INF2: variants seen among roughly 807,000 people sequenced by gnomAD.
The protein encoded by INF2 is inverted formin 2.
A neutral mutation model predicts 123.5 loss-of-function variants in INF2; 43 were observed. The observed-to-expected ratio is 0.35, with a 90% CI of 0.27 to 0.45. The LOEUF is 0.45. INF2 is among the 20% of genes least tolerant of loss of function. The pLI is 1.00. For missense variants in INF2, 1,453 were observed against 1,682.7 expected (o/e 0.86, Z 2.39); for synonymous variants, 851 against 745.0 (o/e 1.14, Z -2.32).
chr14:104,699,285 A>T lies in INF2; in HGVS notation c.-9-2072A>T. On this transcript the variant is annotated intron_variant, in intron 1 of 22. Transcript: ENST00000392634. This position sits in a 1 kb window ranked among gnomAD's most constrained non-coding sequence, Gnocchi z 4.7. ...TAACTCCGTCCACTCAGCCTGTGCC[A>T]AGGGGACAGGGACTCCGGCCAATGG... 1 of 528,268 alleles carries T rather than the reference A, an allele frequency of 1.9e-6. No individual in the cohort carries two copies. Among genetic ancestry groups the T allele is most frequent in the Non-Finnish European group, 2.4e-6 (1 of 413,068 alleles). The allele number at this position is 528,268 out of a possible 1,614,324, so 32.7% of individuals were successfully genotyped here. A position where few individuals can be genotyped will look rare whatever the true frequency, so the allele number is the denominator to read the frequency against.
At chr14:104,689,457 T>A, upstream of INF2, 1 of 404,088 alleles carries the variant, frequency 2.5e-6, no homozygotes, top group Non-Finnish European at 3.3e-6. Context: ...GGAGACCCCT[T>A]AAAGCGCCCT....
At chr14:104,702,851 C>A (rs1283603569) in intron 2 of INF2, among the ~76,000 whole-genome samples, 2 of 152,238 alleles carry the variant, frequency 1.3e-5, no homozygotes, top group Non-Finnish European at 1.5e-5. Flanking sequence ...GGGCCCAGAG[C>A]CAGTGACAGG....
chr14:104,697,377 CAT>C (rs1889240096), intron 1 of INF2, among the ~76,000 whole-genome samples: 1 of 152,210 alleles, frequency 6.6e-6, no homozygotes, highest in African/African-American at 2.4e-5. Flanking sequence ...CGCTCAGAAC[CAT>C]GGGCCCATGC....
Position 104,707,566 on chromosome 14 carries a change from C to T in INF2, c.1299C>T (p.Ser433=), listed in dbSNP as rs1431857911. The change falls in exon 8 of 23, where the codon TCC becomes TCT. Residue 433 remains serine (S), a synonymous_variant. Transcript: ENST00000392634. ...PPPPPPLLPG[S]SAEPPPPPPP... ...CACCCCCACCCCTGCTCCCTGGTTC[C>T]AGTGCCGAGCCCCCTCCCCCTCCCC... 4 of 1,139,558 alleles carry T rather than the reference C, an allele frequency of 3.5e-6. No individual in the cohort carries two copies. The Admixed American group carries it at 8.0e-5, about 23-fold the overall frequency. The allele number at this position is 1,139,558 out of a possible 1,614,324, so 70.6% of individuals were successfully genotyped here.
At chr14:104,686,786 G>A (rs1888674821), upstream of INF2, among the ~76,000 whole-genome samples, 1 of 152,190 alleles carries the variant, frequency 6.6e-6, no homozygotes, top group Non-Finnish European at 1.5e-5. Context: ...TGACTGCACG[G>A]CGGCGCCAAC....
Position 104,699,401 on chromosome 14 carries a change from T to C in INF2, c.-9-1956T>C, listed in dbSNP as rs1489144513. 10 of 985,222 alleles carry C rather than the reference T, an allele frequency of 1.0e-5. No individual in the cohort carries two copies. The highest frequency in any genetic ancestry group is 1.2e-5 in the Non-Finnish European group (10 of 829,896). 61.0% of individuals were successfully genotyped at this position (985,222 alleles called of 1,614,324 possible). A position where few individuals can be genotyped will look rare whatever the true frequency, so the allele number is the denominator to read the frequency against. ...GAATATATGCAGAGGCCCGGCTGCC[T>C]GGCTCTTCATGGTGGTGGGAGCAAC... On this transcript the variant is annotated intron_variant, in intron 1 of 22. Transcript: ENST00000392634. This position sits in a 1 kb window ranked among gnomAD's most constrained non-coding sequence, Gnocchi z 4.7.
chr14:104,715,262 C>G (rs377339064), intron 21 of INF2, 22 bp from the exon 22 acceptor site: 2 of 1,612,388 alleles, frequency 1.2e-6, no homozygotes, highest in Non-Finnish European at 1.7e-6. Context: ...CCGTTGAGTG[C>G]GTTTCTTTTA....
At chr14:104,687,253 A>T (rs1213099533), upstream of INF2, among the ~76,000 whole-genome samples, 1 of 152,056 alleles carries the variant, frequency 6.6e-6, no homozygotes, top group Non-Finnish European at 1.5e-5. The surrounding 1 kb of genome is among the most constrained non-coding windows in gnomAD (Gnocchi z 5.6). Flanking sequence ...TAGGGCCAGG[A>T]TGGAGTCTGG....
At chr14:104,683,743 G>C (rs1441030785) in intron 1 of INF2, among the ~76,000 whole-genome samples, 1 of 152,002 alleles carries the variant, frequency 6.6e-6, no homozygotes, top group Non-Finnish European at 1.5e-5. Flanking sequence ...AGACATTCTA[G>C]ACTTTATTTC....
chr14:104,705,889 A>T, intron 5 of INF2, 146 bp from the exon 6 acceptor site: 1 of 1,008,096 alleles, frequency 9.9e-7, no homozygotes, highest in Non-Finnish European at 1.4e-6. Flanking sequence ...TATGTGGGTC[A>T]CATGTCAGCC....
chr14:104,688,979 C>A (rs36016599), upstream of INF2, among the ~76,000 whole-genome samples: 22,193 of 152,244 alleles, frequency 0.15, 2,221 homozygotes, highest in East Asian at 0.48. Flanking sequence ...CAGAGAAAAC[C>A]CACCCCATTG....
intron 1 of INF2, among the ~76,000 whole-genome samples, chr14:104,693,478 C>T (rs1351675949): frequency 2.0e-5 from 3 of 152,194 alleles, no homozygotes; most frequent in African/African-American, 7.2e-5. Context: ...TTGAGGCTAA[C>T]CCAGGGCACA....
chr14:104,714,240 C>G lies in INF2; in HGVS notation c.3078C>G (p.Ser1026Arg), dbSNP rs377023270. The change falls in exon 21 of 23, where the codon AGC (serine) becomes AGG (arginine). Residue 1026 changes from serine (S) to arginine (R), a missense_variant. Coordinates refer to ENST00000392634, the MANE Select transcript of INF2 (RefSeq NM_022489.4). ...ACCCTGCAGGAGATCCCGTGGGCAG[C>G]ACGCGCTGTCCCGCCTCTGAGCCCG... ...TSNPAGDPVG[S>R]TRCPASEPGL... is the part of the protein sequence containing the mutation. 1 of 1,572,090 alleles carries G rather than the reference C, an allele frequency of 6.4e-7. No individual in the cohort carries two copies. The highest frequency in any genetic ancestry group is 2.3e-5 in the East Asian group (1 of 42,892).
upstream of INF2, among the ~76,000 whole-genome samples, chr14:104,688,164 C>T (rs1888731116): frequency 6.6e-6 from 1 of 152,268 alleles, no homozygotes; most frequent in Non-Finnish European, 1.5e-5. Flanking sequence ...GCAGCGGCCG[C>T]CCAGGTTGGA....
At position 104,701,429 on chromosome 14, in the gene INF2, G is replaced by A; in HGVS notation, c.64G>A (p.Asp22Asn). The change falls in exon 2 of 23, where the codon GAT becomes AAT. Residue 22 changes from aspartate (D) to asparagine (N), a missense_variant. This residue lies in a region of INF2 where 43 missense variants were observed against 44.7 expected (regional missense o/e 0.96). Transcript: ENST00000392634. ...GCTGAAGGAGAAGCTGGGGCCACAG[G>A]ATTCGGACCCCACGGAGGCCAACCT... ...AALKEKLGPQ[D>N]SDPTEANLES... is the part of the protein sequence containing the mutation. 6.9e-6 allele frequency: 11 copies of A among 1,596,256 alleles called. No homozygotes were observed. The highest frequency in any genetic ancestry group is 9.4e-6 in the Non-Finnish European group (11 of 1,171,246).
Position 104,719,560 on chromosome 14 carries a change from C to G in INF2, c.*767C>G, listed in dbSNP as rs1890470241. ...AGCCTGCCCCCTGCCAGGTGTGTGCCCTGAGGCTGGCGGCTGGATGCGTGG... is the reference window on the plus strand; with the variant it reads ...AGCCTGCCCCCTGCCAGGTGTGTGCGCTGAGGCTGGCGGCTGGATGCGTGG... On this transcript the variant is annotated 3_prime_UTR_variant, in exon 23 of 23. Transcript: ENST00000392634. 1 of 152,236 alleles carries G rather than the reference C, an allele frequency of 6.6e-6. No homozygotes were observed. The highest frequency in any genetic ancestry group is 1.5e-5 in the Non-Finnish European group (1 of 68,056). The allele number at this position is 152,236 out of a possible 1,614,324, so 9.4% of individuals were successfully genotyped here. A position where few individuals can be genotyped will look rare whatever the true frequency, so the allele number is the denominator to read the frequency against.
In INF2 at chr14:104,714,334, C is replaced by T. The variant is rs1890193148; in HGVS notation, c.3172C>T (p.Gln1058Ter). Residue 1058 changes from glutamine (Q) to a stop codon, truncating the protein, a stop_gained, in exon 21 of 23, where the codon CAG becomes TAG. Coordinates refer to ENST00000392634, the MANE Select transcript of INF2 (RefSeq NM_022489.4). LOFTEE classifies it high-confidence loss of function. Reference protein sequence around the residue: ...DLVDAVTPGPQPTLEQLEEGG... With the variant: ...DLVDAVTPGP Reference sequence around the variant, plus strand: ...TGTAGACGCCGTGACCCCCGGCCCTCAGCCCACCCTGGAGCAGTTGGAGGA... The same window carrying T: ...TGTAGACGCCGTGACCCCCGGCCCTTAGCCCACCCTGGAGCAGTTGGAGGA... 2 of 1,592,640 alleles carry T rather than the reference C, an allele frequency of 1.3e-6. No homozygotes were observed. The highest frequency in any genetic ancestry group is 1.7e-6 in the Non-Finnish European group (2 of 1,170,430).
In INF2 at chr14:104,705,592, A is replaced by G. The variant is rs561777103; in HGVS notation, c.702-443A>G. Among the ~76,000 whole-genome samples the G allele has an allele frequency of 2.6e-5, 4 of 152,286 alleles. No homozygotes were observed. In the South Asian group the frequency reaches 8.3e-4, roughly 32 times the overall value. ...CACTAAGTTTCCTCCTGCTCAGGCC[A>G]GAGCCCCGCCCCTCCTGTATCCATG... On this transcript the variant is annotated intron_variant, in intron 5 of 22. Coordinates refer to ENST00000392634, the MANE Select transcript of INF2 (RefSeq NM_022489.4).
intron 13 of INF2, 133 bp downstream of exon 13, chr14:104,710,321 C>T (rs924188014): frequency 1.3e-5 from 9 of 670,444 alleles, no homozygotes; most frequent in African/African-American, 5.4e-5. Context: ...CCAGCCTTCA[C>T]CACCACTCCG....
Sources: gnomAD v4.1 joint callset for allele counts (sites outside exome capture counted in the v4.1 genomes callset) on GRCh38, gnomAD v4.1.1 for gene constraint, gnomAD v4.1.1 regional missense constraint, Gnocchi (gnomAD v3.1) non-coding constraint, MANE v1.5 for transcripts, NCBI Gene and HGNC (gene_info 2026-07-23, HGNC 2026-07-21) for gene names.